The following PDZD2 variants were observed in gnomAD, a reference collection of about 807,000 sequenced individuals.
PDZD2 encodes PDZ domain-containing protein 2.
A neutral mutation model predicts 220.7 loss-of-function variants in PDZD2; 90 were observed. That is an observed-to-expected ratio of 0.41 (90% CI 0.34 to 0.49). The LOEUF (loss-of-function observed/expected upper bound fraction) is 0.49, where lower values mean the gene tolerates loss of function less well. PDZD2 is among the 20% of genes least tolerant of loss of function. The pLI is 0.28. For synonymous variants in PDZD2, 1,375 were observed against 1,450.5 expected (o/e 0.95, Z 1.18); for missense variants, 3,174 against 3,608.5 (o/e 0.88, Z 3.08).
chr5:31,765,179 G>A (rs1751926782), intron 1 of PDZD2, among the ~76,000 whole-genome samples: 1 of 152,126 alleles, frequency 6.6e-6, no homozygotes, highest in Non-Finnish European at 1.5e-5. Flanking sequence ...CCCCTCTCTA[G>A]TTATAACCCA....
intron 2 of PDZD2, among the ~76,000 whole-genome samples, chr5:31,801,177 C>G (rs1754369344): frequency 6.6e-6 from 1 of 152,198 alleles, no homozygotes; most frequent in African/African-American, 2.4e-5. Context: ...ACAGAGCTGG[C>G]TCACAGGTGT....
At chr5:31,857,627 C>G (rs1236175260) in intron 2 of PDZD2, among the ~76,000 whole-genome samples, 2 of 151,984 alleles carry the variant, frequency 1.3e-5, no homozygotes, top group Non-Finnish European at 2.9e-5. Flanking sequence ...AATGGATATC[C>G]CCTCCTGAAA....
At chr5:31,996,806 G>A (rs372021162) in intron 4 of PDZD2, among the ~76,000 whole-genome samples, 1 of 152,156 alleles carries the variant, frequency 6.6e-6, no homozygotes. Context: ...ACTTGAGCCC[G>A]GGAGATCGAA....
intron 1 of PDZD2, among the ~76,000 whole-genome samples, chr5:31,656,260 T>C (rs1745547813): frequency 6.6e-6 from 1 of 152,208 alleles, no homozygotes. Context: ...TGTCCATCTC[T>C]GAATGCCCAG....
chr5:31,737,323 C>A (rs549160936), intron 1 of PDZD2, among the ~76,000 whole-genome samples: 1 of 152,006 alleles, frequency 6.6e-6, no homozygotes, highest in South Asian at 2.1e-4. Context: ...CAGGCGCCCA[C>A]CACCACGCCC....
intron 1 of PDZD2, among the ~76,000 whole-genome samples, chr5:31,692,177 C>T (rs955290279): frequency 2.0e-5 from 3 of 152,226 alleles, no homozygotes; most frequent in African/African-American, 7.2e-5. Context: ...AGCTAAGGCC[C>T]GGCGAGAAAT....
intron 5 of PDZD2, among the ~76,000 whole-genome samples, chr5:32,009,754 A>T (rs1561337492): frequency 6.6e-6 from 1 of 151,908 alleles, no homozygotes; most frequent in Non-Finnish European, 1.5e-5. Context: ...TGATTGTTTT[A>T]TAAAGGGATC....
rs569458080 is a variant in PDZD2 at position 31,888,337 on chromosome 5, C to T, written c.476+88613C>T. ...CCTCCTGAGTAGCTGGGATTACAGG[C>T]GTGCCGCCATGCTTGGCTTAATTTT... On this transcript the variant is annotated intron_variant, in intron 2 of 24. Coordinates refer to ENST00000438447, the MANE Select transcript of PDZD2 (RefSeq NM_178140.4). Among the ~76,000 whole-genome samples the T allele has an allele frequency of 1.7e-3, 259 of 152,222 alleles. 1 individual carries two copies. Among genetic ancestry groups the T allele is most frequent in the African/African-American group, 6.0e-3 (248 of 41,532 alleles).
chr5:32,020,714 G>A (rs545940280), intron 6 of PDZD2, among the ~76,000 whole-genome samples: 111 of 149,936 alleles, frequency 7.4e-4, no homozygotes, highest in Non-Finnish European at 1.1e-3. Flanking sequence ...GCGCGATCTC[G>A]GCTCACTGCA....
At chr5:31,699,751 A>T (rs1747534027) in intron 1 of PDZD2, among the ~76,000 whole-genome samples, 1 of 149,784 alleles carries the variant, frequency 6.7e-6, no homozygotes, top group Admixed American at 6.6e-5. Context: ...TTCCAGGCAT[A>T]CTACCATGCC....
intron 21 of PDZD2, among the ~76,000 whole-genome samples, chr5:32,093,270 A>T (rs1046672675): frequency 6.6e-6 from 1 of 152,288 alleles, no homozygotes; most frequent in Non-Finnish European, 1.5e-5. Context: ...TCATCCCCCA[A>T]GTAGCAACTA....
At chr5:31,809,241 T>C (rs1050194342) in intron 2 of PDZD2, among the ~76,000 whole-genome samples, 11 of 152,124 alleles carry the variant, frequency 7.2e-5, no homozygotes, top group Non-Finnish European at 1.3e-4. Flanking sequence ...CTGAGGGCCG[T>C]CGCCTGCCAT....
intron 1 of PDZD2, among the ~76,000 whole-genome samples, chr5:31,694,793 A>AT (rs201947093): frequency 5.8e-4 from 66 of 114,680 alleles, no homozygotes; most frequent in Middle Eastern, 4.2e-3. Flanking sequence ...TATTTTATTT[A>AT]TTTATTTTTT....
At chr5:32,093,077 C>A in intron 21 of PDZD2, 53 bp downstream of exon 21, 1 of 916,648 alleles carries the variant, frequency 1.1e-6, no homozygotes, top group South Asian at 1.4e-5. Flanking sequence ...CGTGAGTGCC[C>A]AGGTATGTGC....
chr5:31,989,420 T>TTTTTTTTTTTTTTTTTTA (rs1561277778), intron 3 of PDZD2, among the ~76,000 whole-genome samples: 1 of 136,800 alleles, frequency 7.3e-6, no homozygotes, highest in African/African-American at 3.0e-5. Flanking sequence ...CATTTTCTTT[T>TTTTTTTTTTTTTTTTTTA]CTTTTTTTTT....
At chr5:31,825,508 AG>A (rs1472393675) in intron 2 of PDZD2, among the ~76,000 whole-genome samples, 1 of 152,220 alleles carries the variant, frequency 6.6e-6, no homozygotes, top group African/African-American at 2.4e-5. Flanking sequence ...CCCTAGCCAA[AG>A]AAAGGCTGCT....
At chr5:31,956,216 T>C (rs1747666756) in intron 2 of PDZD2, among the ~76,000 whole-genome samples, 2 of 152,204 alleles carry the variant, frequency 1.3e-5, no homozygotes, top group South Asian at 2.1e-4. Context: ...AAGTGGGGTA[T>C]TGAAGTCTCC....
chr5:31,907,894 CCA>C (rs892270349), intron 2 of PDZD2, among the ~76,000 whole-genome samples: 5 of 151,684 alleles, frequency 3.3e-5, no homozygotes, highest in African/African-American at 1.2e-4. Flanking sequence ...ACCAGCCTGG[CCA>C]ATATGGTGAA....
chr5:31,964,849 G>A (rs1468007445), intron 2 of PDZD2, among the ~76,000 whole-genome samples: 1 of 152,138 alleles, frequency 6.6e-6, no homozygotes, highest in African/African-American at 2.4e-5. Context: ...CCGAGGAGCT[G>A]GGACTACAGG....
Sources: allele counts gnomAD v4.1 joint callset (sites outside exome capture counted in the v4.1 genomes callset), GRCh38; gene constraint gnomAD v4.1.1; transcripts MANE v1.5; gene names NCBI Gene and HGNC (gene_info 2026-07-23, HGNC 2026-07-21).